EBI3: variants seen among roughly 807,000 people sequenced by gnomAD.
EBI3 encodes Epstein-Barr virus induced 3, also known as interleukin-27 subunit beta.
A neutral mutation model predicts 21.3 loss-of-function variants in EBI3; 19 were observed. The ratio of observed to expected loss-of-function variants is 0.89; its 90% confidence interval spans 0.62 to 1.31. The LOEUF is 1.31. Among genes scored for constraint, EBI3 ranks in the 50% most tolerant of loss-of-function variants. The probability of loss-of-function intolerance (pLI) is 0.00; values close to 1 mark genes in which losing one functional copy is unlikely to be tolerated. For synonymous variants in EBI3, 154 were observed against 131.2 expected, an observed-to-expected ratio of 1.17 and a Z score of -1.19; for missense variants, 331 against 314.0, an observed-to-expected ratio of 1.05 and a Z score of -0.41.
Position 4,233,312 on chromosome 19 carries a change from G to T in EBI3, c.379+5G>T. 1.3e-6 allele frequency: 2 copies of T among 1,589,356 alleles called. No individual in the cohort carries two copies. Among genetic ancestry groups the T allele is most frequent in the Non-Finnish European group, 1.7e-6 (2 of 1,169,578 alleles). On this transcript the variant is annotated splice_donor_5th_base_variant and intron_variant, in intron 3 of 4. Coordinates refer to ENST00000221847, the MANE Select transcript of EBI3 (RefSeq NM_005755.3). ...CTTTCATAACAGAGCACATCAGTGAGTGGGGGCGGCAGTGGGGGCGGGGGC... is the reference window on the plus strand; with the variant it reads ...CTTTCATAACAGAGCACATCAGTGATTGGGGGCGGCAGTGGGGGCGGGGGC...
Position 4,236,994 on chromosome 19 carries a change from A to G in EBI3, c.596A>G (p.Tyr199Cys). Residue 199 changes from tyrosine to cysteine, a missense_variant, in exon 5 of 5, where the codon TAC becomes TGC. Physicochemically the swap from Tyr to Cys is radical, Grantham distance 194. Coordinates refer to ENST00000221847, the MANE Select transcript of EBI3 (RefSeq NM_005755.3). ...AGGGCTGTGCGGCCCCGAGCCAGGT[A>G]CTACGTCCAAGTGGCGGCTCAGGAC... ...ILRAVRPRARYYVQVAAQDLT... is the reference protein window; with the variant it reads ...ILRAVRPRARCYVQVAAQDLT... The G allele has an allele frequency of 1.3e-6, 2 of 1,584,162 alleles. No individual in the cohort carries two copies. Among genetic ancestry groups the G allele is most frequent in the Non-Finnish European group, 1.7e-6 (2 of 1,162,060 alleles).
chr19:4,231,910 G>T (rs2144674922), intron 2 of EBI3, among the ~76,000 whole-genome samples: 1 of 151,940 alleles, frequency 6.6e-6, no homozygotes, highest in South Asian at 2.1e-4. Context: ...GTGAGACCCT[G>T]TCTCTAAAAA....
chr19:4,234,877 G>A, intron 4 of EBI3, 53 bp downstream of exon 4: 1 of 1,598,210 alleles, frequency 6.3e-7, no homozygotes, highest in Non-Finnish European at 8.5e-7. Flanking sequence ...AGAGGGAATG[G>A]TTTTTACCAA....
At chr19:4,235,337 T>G (rs1303689820) in intron 4 of EBI3, among the ~76,000 whole-genome samples, 3 of 151,494 alleles carry the variant, frequency 2.0e-5, no homozygotes, top group Admixed American at 6.6e-5. Flanking sequence ...ATTGATTGAT[T>G]GAAACAAGGT....
At chr19:4,230,392 A>T (rs7251050) in intron 1 of EBI3, among the ~76,000 whole-genome samples, 3 of 150,996 alleles carry the variant, frequency 2.0e-5, no homozygotes, top group Admixed American at 6.6e-5. Context: ...GTGAAACCGG[A>T]CCCCACCAAT....
chr19:4,237,244 C>T lies in EBI3; in HGVS notation c.*156C>T. On this transcript the variant is annotated 3_prime_UTR_variant, in exon 5 of 5. Transcript: ENST00000221847. ...GGGCAACCTCAGATGACCGACTTTT[C>T]CCTTTGAGCCTCAGTTTCTCTAGCT... is the stretch of plus-strand genomic sequence containing the variant. 2.4e-6 allele frequency: 2 copies of T among 819,750 alleles called. No individual in the cohort carries two copies. The highest frequency in any genetic ancestry group is 3.5e-6 in the Non-Finnish European group (2 of 577,870). 50.8% of individuals were successfully genotyped at this position (819,750 alleles called of 1,614,324 possible).
At chr19:4,231,551 C>A (rs913592386) in intron 2 of EBI3, among the ~76,000 whole-genome samples, 1 of 152,056 alleles carries the variant, frequency 6.6e-6, no homozygotes, top group Admixed American at 6.6e-5. Context: ...GGGCAGATTG[C>A]TTGAGGTCAG....
chr19:4,232,382 G>GGCTGC (rs1344492936), intron 2 of EBI3, among the ~76,000 whole-genome samples: 1 of 151,792 alleles, frequency 6.6e-6, no homozygotes, highest in African/African-American at 2.4e-5. Flanking sequence ...AGGAGTTTGA[G>GGCTGC]ACCAGCCTGG....
At chr19:4,235,087 C>T (rs758620171) in intron 4 of EBI3, among the ~76,000 whole-genome samples, 6 of 152,166 alleles carry the variant, frequency 3.9e-5, no homozygotes, top group Admixed American at 1.3e-4. Context: ...GACACAATCT[C>T]GGCTCACTGC....
intron 2 of EBI3, among the ~76,000 whole-genome samples, chr19:4,232,559 GA>G (rs972620794): frequency 5.3e-5 from 8 of 150,404 alleles, no homozygotes; most frequent in African/African-American, 1.5e-4. Flanking sequence ...CCCATCTGTA[GA>G]AAAAAAATTT....
intron 3 of EBI3, 143 bp downstream of exon 3, chr19:4,233,450 A>C (rs1970810009): frequency 3.2e-6 from 3 of 940,722 alleles, no homozygotes; most frequent in Non-Finnish European, 3.1e-6. Flanking sequence ...CCCCTCCTCT[A>C]CCAGTACGTG....
chr19:4,234,272 C>T (rs987583563), intron 3 of EBI3, among the ~76,000 whole-genome samples: 2 of 152,106 alleles, frequency 1.3e-5, no homozygotes, highest in African/African-American at 4.8e-5. Flanking sequence ...AGCTTTCTTC[C>T]CTATTCTGTG....
intron 3 of EBI3, among the ~76,000 whole-genome samples, chr19:4,233,873 C>A (rs1453396412): frequency 6.6e-6 from 1 of 152,184 alleles, no homozygotes; most frequent in Non-Finnish European, 1.5e-5. Context: ...GCATACATCA[C>A]CTCCTCAGTA....
rs557914778 is a variant in EBI3, at chr19:4,236,425, C to T, written c.538-511C>T. Reference sequence around the variant, plus strand: ...TAATCCCAGCTATCTGGGAGGCTGACGTGAGAGGATGGTTTGAGCCTGGAG... The same window carrying T: ...TAATCCCAGCTATCTGGGAGGCTGATGTGAGAGGATGGTTTGAGCCTGGAG... On this transcript the variant is annotated intron_variant, in intron 4 of 4. Coordinates refer to ENST00000221847, the MANE Select transcript of EBI3 (RefSeq NM_005755.3). 4.3e-5 allele frequency among the ~76,000 whole-genome samples: 6 copies of T among 138,388 alleles called. No homozygotes were observed. The South Asian group carries it at 9.3e-4, about 21-fold the overall frequency. 90.8% of individuals were successfully genotyped at this position (138,388 alleles called of 152,430 possible).
At chr19:4,232,222 C>CAAAAAAAAAA (rs71166979) in intron 2 of EBI3, among the ~76,000 whole-genome samples, 25 of 57,814 alleles carry the variant, frequency 4.3e-4, no homozygotes, top group African/African-American at 9.9e-4. Context: ...GACCCCGTCT[C>CAAAAAAAAAA]AAAAAAAAAA....
chr19:4,231,213 G>A lies in EBI3; in HGVS notation c.90G>A (p.Leu30=). 1 of 1,604,562 alleles carries A rather than the reference G, an allele frequency of 6.2e-7. No homozygotes were observed. Among genetic ancestry groups the A allele is most frequent in the Non-Finnish European group, 8.5e-7 (1 of 1,176,600 alleles). ...GRKGPPAALT[L]PRVQCRASRY... is the part of the protein sequence containing the mutation. ...CAGGGCCCCCAGCAGCTCTGACACT[G>A]CCCCGGGTGCAATGCCGAGCCTCTC... is the stretch of plus-strand genomic sequence containing the variant. Residue 30 remains leucine (L), a synonymous_variant, in exon 2 of 5, where the codon CTG becomes CTA. Coordinates refer to ENST00000221847, the MANE Select transcript of EBI3 (RefSeq NM_005755.3).
Position 4,237,035 on chromosome 19 carries a change from G to T in EBI3, c.637G>T (p.Glu213Ter). The T allele has an allele frequency of 4.5e-6, 7 of 1,572,986 alleles. No individual in the cohort carries two copies. The highest frequency in any genetic ancestry group is 6.1e-6 in the Non-Finnish European group (7 of 1,156,850). ...VAAQDLTDYG[E>*]LSDWSLPATA... ...GGCTCAGGACCTCACAGACTACGGG[G>T]AACTGAGTGACTGGAGTCTCCCCGC... Residue 213 changes from glutamate (E) to a stop codon, truncating the protein, a stop_gained, in exon 5 of 5, where the codon GAA (glutamate) becomes TAA (stop). Transcript: ENST00000221847. LOFTEE classifies it low-confidence loss of function (END_TRUNC).
rs1387366485 is a variant in EBI3, at chr19:4,233,111, G to A, written c.201-18G>A. ...ACAGGCACTCCCTGAGGCGCTCAGC[G>A]AGCCCCACCCTGTGCAGGCTCGGCA... On this transcript the variant is annotated intron_variant, in intron 2 of 4. Coordinates refer to ENST00000221847, the MANE Select transcript of EBI3 (RefSeq NM_005755.3). 6.4e-7 allele frequency: 1 copy of A among 1,559,836 alleles called. No individual in the cohort carries two copies. The highest frequency in any genetic ancestry group is 8.6e-7 in the Non-Finnish European group (1 of 1,160,672).
chr19:4,229,748 T>A, intron 1 of EBI3, 131 bp downstream of exon 1: 1 of 929,190 alleles, frequency 1.1e-6, no homozygotes. Context: ...TACCCTCCCA[T>A]TGTACAGATG....
Sources: allele counts gnomAD v4.1 joint callset (sites outside exome capture counted in the v4.1 genomes callset), GRCh38; gene constraint gnomAD v4.1.1; transcripts MANE v1.5; gene names NCBI Gene and HGNC (gene_info 2026-07-23, HGNC 2026-07-21).